Variants in ENOX1 observed in about 807,000 individuals in gnomAD.
The protein encoded by ENOX1 is ecto-NOX disulfide-thiol exchanger 1, also known as candidate growth-related and time keeping constitutive hydroquinone (NADH) oxidase.
ENOX1 carries 42 observed loss-of-function variants against 82.5 expected under a neutral mutation model. The observed-to-expected ratio is 0.51, with a 90% CI of 0.40 to 0.66. ENOX1 has a LOEUF of 0.66. ENOX1 is among the 30% of genes least tolerant of loss of function. The probability of loss-of-function intolerance (pLI) is 0.00; values close to 1 mark genes in which losing one functional copy is unlikely to be tolerated. For synonymous variants in ENOX1, 271 were observed against 282.2 expected (o/e 0.96, Z 0.40); for missense variants, 608 against 811.6 (o/e 0.75, Z 3.05).
chr13:43,770,207 T>G (rs1433525135), intron 1 of ENOX1, among the ~76,000 whole-genome samples: 1 of 152,212 alleles, frequency 6.6e-6, no homozygotes, highest in Non-Finnish European at 1.5e-5. Context: ...TCATGAAGTT[T>G]GGACGAAGTT....
At chr13:43,639,961 A>G (rs140077735) in intron 2 of ENOX1, among the ~76,000 whole-genome samples, 4,569 of 152,258 alleles carry the variant, frequency 0.03, 102 homozygotes, top group Non-Finnish European at 0.044. Flanking sequence ...CCCAGGAGGT[A>G]GATGTTGCAA....
Position 43,606,247 on chromosome 13 carries a change from TG to T in ENOX1, c.-219+61231del, listed in dbSNP as rs925220737. 1.6e-4 allele frequency among the ~76,000 whole-genome samples: 25 copies of T among 152,248 alleles called. No homozygotes were observed. The East Asian group carries it at 3.9e-3, about 24-fold the overall frequency. ...AGTATAACCACTAGGGAGAACAATT[TG>T]GGGGCTCCTCAAAAAACTAAAAATA... On this transcript the variant is annotated intron_variant, in intron 2 of 16. Transcript: ENST00000690772.
At chr13:43,678,322 A>G (rs2085616031) in intron 1 of ENOX1, among the ~76,000 whole-genome samples, 1 of 152,228 alleles carries the variant, frequency 6.6e-6, no homozygotes, top group Non-Finnish European at 1.5e-5. Flanking sequence ...TACTTAGTCT[A>G]CAGGCTAATT....
chr13:43,263,713 G>A lies in ENOX1; in HGVS notation c.1611+1685C>T, dbSNP rs562820229. ...TCACAATAAGCCTTAAGGAAGGCAAGGTAGGAGTTATCCCCATTTTACAAA... is the reference window on the plus strand; with the variant it reads ...TCACAATAAGCCTTAAGGAAGGCAAAGTAGGAGTTATCCCCATTTTACAAA... On this transcript the variant is annotated intron_variant, in intron 14 of 16. Coordinates refer to ENST00000690772, the MANE Select transcript of ENOX1 (RefSeq NM_001347969.2). 2.8e-4 allele frequency among the ~76,000 whole-genome samples: 43 copies of A among 152,318 alleles called. No individual in the cohort carries two copies. The South Asian group carries it at 8.5e-3, about 30-fold the overall frequency.
chr13:43,241,641 A>G (rs528851955), intron 14 of ENOX1, among the ~76,000 whole-genome samples: 1 of 152,326 alleles, frequency 6.6e-6, no homozygotes, highest in Admixed American at 6.5e-5. Context: ...TACCTAATAA[A>G]TCTTTTCTCA....
chr13:43,231,664 T>C (rs2042288288), intron 15 of ENOX1, among the ~76,000 whole-genome samples: 1 of 152,238 alleles, frequency 6.6e-6, no homozygotes, highest in African/African-American at 2.4e-5. Flanking sequence ...TAGGACTAGC[T>C]CAGCTGTCCT....
intron 1 of ENOX1, among the ~76,000 whole-genome samples, chr13:43,767,440 C>T (rs538732838): frequency 1.3e-5 from 2 of 152,308 alleles, no homozygotes; most frequent in South Asian, 2.1e-4. Context: ...TGTTTTACTC[C>T]TCAGCCAACA....
At chr13:43,489,037 C>A (rs140246323) in intron 2 of ENOX1, among the ~76,000 whole-genome samples, 1 of 152,090 alleles carries the variant, frequency 6.6e-6, no homozygotes, top group African/African-American at 2.4e-5. Context: ...GAAGAGAAAA[C>A]CAAGTGCATG....
At chr13:43,729,816 A>C (rs1370008255) in intron 1 of ENOX1, among the ~76,000 whole-genome samples, 2 of 152,252 alleles carry the variant, frequency 1.3e-5, no homozygotes, top group African/African-American at 4.8e-5. Flanking sequence ...TTGTAAGCTA[A>C]AGCTGGGTGT....
intron 2 of ENOX1, among the ~76,000 whole-genome samples, chr13:43,538,275 A>T (rs2078554798): frequency 6.6e-6 from 1 of 152,228 alleles, no homozygotes; most frequent in African/African-American, 2.4e-5. Context: ...AGAAGATGAG[A>T]AACTAAATGT....
chr13:43,647,701 C>T (rs1280024249), intron 2 of ENOX1, among the ~76,000 whole-genome samples: 5 of 152,122 alleles, frequency 3.3e-5, no homozygotes, highest in African/African-American at 1.2e-4. Flanking sequence ...CACCAAACCC[C>T]CAAAGATGTC....
Position 43,327,296 on chromosome 13 carries a change from G to A in ENOX1, c.1037-771C>T, listed in dbSNP as rs141524316. Among the ~76,000 whole-genome samples, 34 of 152,254 alleles carry A rather than the reference G, an allele frequency of 2.2e-4. No individual in the cohort carries two copies. The East Asian group carries it at 4.8e-3, about 22-fold the overall frequency. Reference sequence around the variant, plus strand: ...CATTATCACTTTCACAAGGCTCCCCGCCCTCTGGCTCCCAGACCACTTGAA... The same window carrying A: ...CATTATCACTTTCACAAGGCTCCCCACCCTCTGGCTCCCAGACCACTTGAA... On this transcript the variant is annotated intron_variant, in intron 9 of 16. Transcript: ENST00000690772.
At chr13:43,550,631 ACT>A (rs2079154138) in intron 2 of ENOX1, among the ~76,000 whole-genome samples, 1 of 152,012 alleles carries the variant, frequency 6.6e-6, no homozygotes, top group Non-Finnish European at 1.5e-5. Flanking sequence ...TATCACAAAA[ACT>A]CTGAGAGGGT....
chr13:43,696,312 G>T (rs2086637389), intron 1 of ENOX1, among the ~76,000 whole-genome samples: 1 of 152,292 alleles, frequency 6.6e-6, no homozygotes, highest in Non-Finnish European at 1.5e-5. Flanking sequence ...TGGATACATA[G>T]CTAAGAGATA....
intron 14 of ENOX1, among the ~76,000 whole-genome samples, chr13:43,238,972 G>C (rs1420720548): frequency 1.3e-5 from 2 of 152,220 alleles, no homozygotes; most frequent in South Asian, 2.1e-4. Context: ...TGAGAATGCT[G>C]TTTTCTCCCC....
intron 15 of ENOX1, among the ~76,000 whole-genome samples, chr13:43,231,863 T>C (rs1394997462): frequency 6.6e-6 from 1 of 151,930 alleles, no homozygotes; most frequent in East Asian, 1.9e-4. Flanking sequence ...TCTCAAAACA[T>C]AGTACCAGAT....
chr13:43,474,210 T>C (rs980698690), intron 3 of ENOX1, among the ~76,000 whole-genome samples: 2 of 152,120 alleles, frequency 1.3e-5, no homozygotes, highest in Non-Finnish European at 2.9e-5. Context: ...TTTGTTGTTG[T>C]TGAGGTTCCC....
At chr13:43,571,913 G>A (rs547735206) in intron 2 of ENOX1, among the ~76,000 whole-genome samples, 2 of 151,938 alleles carry the variant, frequency 1.3e-5, no homozygotes, top group Admixed American at 6.6e-5. Flanking sequence ...TGGTGCATGC[G>A]CAAGGAGTCA....
At chr13:43,733,145 C>A (rs2089437682) in intron 1 of ENOX1, among the ~76,000 whole-genome samples, 1 of 152,140 alleles carries the variant, frequency 6.6e-6, no homozygotes, top group Non-Finnish European at 1.5e-5. Flanking sequence ...TCTCCCACAA[C>A]ACCGTGAGCA....
Sources: gnomAD v4.1 joint callset for allele counts (sites outside exome capture counted in the v4.1 genomes callset) on GRCh38, gnomAD v4.1.1 for gene constraint, MANE v1.5 for transcripts, NCBI Gene and HGNC (gene_info 2026-07-23, HGNC 2026-07-21) for gene names.